The following BLTP1 variants were observed in gnomAD, a reference collection of about 807,000 sequenced individuals.
BLTP1 encodes the protein fragile site-associated protein.
chr4:122,251,264 A>C, the BLTP1 span: 1 of 945,016 alleles, frequency 1.1e-6, no homozygotes, highest in Non-Finnish European at 1.3e-6. Context: ...TGTAATAAGA[A>C]TGTAGTAACT....
chr4:122,353,195 T>G, the BLTP1 span: 1 of 1,601,668 alleles, frequency 6.2e-7, no homozygotes, highest in Non-Finnish European at 8.5e-7. This position sits in a 1 kb window ranked among gnomAD's most constrained non-coding sequence, Gnocchi z 4.3. Flanking sequence ...TCTCCTATCT[T>G]CTGTTATGAC....
At chr4:122,296,929 T>C in the BLTP1 span, among the ~76,000 whole-genome samples, 3 of 152,184 alleles carry the variant, frequency 2.0e-5, no homozygotes, top group Non-Finnish European at 4.4e-5. Flanking sequence ...TCAAGATGGA[T>C]TAAAGACTTA....
At chr4:122,177,424 G>A in the BLTP1 span, among the ~76,000 whole-genome samples, 1 of 152,008 alleles carries the variant, frequency 6.6e-6, no homozygotes, top group African/African-American at 2.4e-5. Flanking sequence ...TTAATACACT[G>A]GCCAGATCTT....
At chr4:122,338,476 CAG>C in the BLTP1 span, among the ~76,000 whole-genome samples, 6 of 151,970 alleles carry the variant, frequency 3.9e-5, no homozygotes, top group Admixed American at 6.6e-5. Flanking sequence ...TCTAAAAAAA[CAG>C]AGTGTCTCTA....
the BLTP1 span, among the ~76,000 whole-genome samples, chr4:122,334,946 CA>C: frequency 6.6e-6 from 1 of 152,046 alleles, no homozygotes. Context: ...TAGTGGCTTA[CA>C]ACCTCAACCA....
At chr4:122,186,188 A>G in the BLTP1 span, 11 of 1,612,448 alleles carry the variant, frequency 6.8e-6, no homozygotes, top group Admixed American at 1.5e-4. Flanking sequence ...AACACGGGAA[A>G]TTGGAAGAAC....
At chr4:122,265,221 C>T in the BLTP1 span, among the ~76,000 whole-genome samples, 1 of 152,126 alleles carries the variant, frequency 6.6e-6, no homozygotes, top group Non-Finnish European at 1.5e-5. Context: ...GCCCAAGTCC[C>T]TTATATAGAA....
the BLTP1 span, among the ~76,000 whole-genome samples, chr4:122,176,446 A>G: frequency 6.6e-6 from 1 of 152,216 alleles, no homozygotes; most frequent in African/African-American, 2.4e-5. Flanking sequence ...AATAATTTGA[A>G]TTGTTTGTAA....
the BLTP1 span, chr4:122,305,799 A>T: frequency 7.2e-7 from 1 of 1,391,564 alleles, no homozygotes; most frequent in East Asian, 2.5e-5. Flanking sequence ...TTGGTGAACA[A>T]TACCATTAAT....
chr4:122,158,325 A>G, the BLTP1 span, among the ~76,000 whole-genome samples: 3 of 152,228 alleles, frequency 2.0e-5, no homozygotes, highest in Admixed American at 6.5e-5. Context: ...ATTGCTCACC[A>G]TTTTAAGGAG....
chr4:122,358,444 A>G, the BLTP1 span, among the ~76,000 whole-genome samples: 1 of 152,266 alleles, frequency 6.6e-6, no homozygotes, highest in Non-Finnish European at 1.5e-5. Context: ...GAGGATTTCA[A>G]TTATAAATAA....
chr4:122,299,218 G>A, the BLTP1 span: 1 of 885,510 alleles, frequency 1.1e-6, no homozygotes, highest in Non-Finnish European at 1.4e-6. Flanking sequence ...TAAACAAAAT[G>A]TGATAAAGAA....
chr4:122,279,808 A>G, the BLTP1 span: 6 of 1,613,908 alleles, frequency 3.7e-6, no homozygotes, highest in East Asian at 2.2e-5. Flanking sequence ...CCAAGTCCCA[A>G]GCCCTCTACA....
At chr4:122,313,391 T>C in the BLTP1 span, among the ~76,000 whole-genome samples, 1 of 152,048 alleles carries the variant, frequency 6.6e-6, no homozygotes, top group Non-Finnish European at 1.5e-5. Flanking sequence ...AAAACTGCAG[T>C]TAAATTATTT....
the BLTP1 span, chr4:122,350,005 TG>T: frequency 1.2e-6 from 2 of 1,613,966 alleles, no homozygotes; most frequent in South Asian, 2.2e-5. Flanking sequence ...TCTGTCTACC[TG>T]GGGACCAGTT....
At chr4:122,155,419 G>C in the BLTP1 span, among the ~76,000 whole-genome samples, 1 of 151,616 alleles carries the variant, frequency 6.6e-6, no homozygotes, top group South Asian at 2.1e-4. Context: ...TGCCTCCTGG[G>C]TTCAAGTAAT....
chr4:122,154,920 G>A, the BLTP1 span: 1 of 947,344 alleles, frequency 1.1e-6, no homozygotes, highest in Non-Finnish European at 1.3e-6. Context: ...CTTTTGGTTT[G>A]TTTTTCATAG....
chr4:122,272,416 T>A, the BLTP1 span: 2 of 1,600,294 alleles, frequency 1.2e-6, no homozygotes, highest in Non-Finnish European at 1.7e-6. Flanking sequence ...GTATGAATGA[T>A]TTTTCTAATA....
chr4:122,219,497 C>T, the BLTP1 span: 9 of 1,613,648 alleles, frequency 5.6e-6, no homozygotes, highest in African/African-American at 6.7e-5. Flanking sequence ...TCAATTCATC[C>T]ACTTGCCTTG....
Sources: allele counts gnomAD v4.1 joint callset (sites outside exome capture counted in the v4.1 genomes callset), GRCh38; gene constraint gnomAD v4.1.1; non-coding constraint Gnocchi (gnomAD v3.1); transcripts MANE v1.5; gene names NCBI Gene and HGNC (gene_info 2026-07-23, HGNC 2026-07-21).